PCP4: variants seen among roughly 807,000 people sequenced by gnomAD.
The protein encoded by PCP4 is Purkinje cell protein 4, also known as calmodulin regulator protein PCP4.
Under a neutral mutation model 10.0 loss-of-function variants are expected in PCP4, and 8 were observed. That is an observed-to-expected ratio of 0.80 (90% CI 0.47 to 1.45). The LOEUF (loss-of-function observed/expected upper bound fraction) is 1.45. PCP4 is among the 40% of genes most tolerant of loss of function. PCP4 has a pLI of 0.00. For missense variants in PCP4, 54 were observed against 74.4 expected, an observed-to-expected ratio of 0.73 and a Z score of 1.01; for synonymous variants, 21 against 23.0, an observed-to-expected ratio of 0.91 and a Z score of 0.24.
intron 1 of PCP4, among the ~76,000 whole-genome samples, chr21:39,891,500 G>A (rs924876063): frequency 6.6e-6 from 1 of 152,210 alleles, no homozygotes; most frequent in South Asian, 2.1e-4. Context: ...CCAGCCCTAC[G>A]GGGCTTAGCG....
At chr21:39,871,729 G>C (rs533976728) in intron 1 of PCP4, among the ~76,000 whole-genome samples, 2 of 152,174 alleles carry the variant, frequency 1.3e-5, no homozygotes, top group Non-Finnish European at 2.9e-5. Context: ...TCCCAGGGCC[G>C]ATGATTGTTA....
chr21:39,872,930 C>T (rs1257307319), intron 1 of PCP4, among the ~76,000 whole-genome samples: 1 of 152,046 alleles, frequency 6.6e-6, no homozygotes, highest in Non-Finnish European at 1.5e-5. Flanking sequence ...ATATACGCAA[C>T]ATAAGTGCTC....
intron 2 of PCP4, among the ~76,000 whole-genome samples, chr21:39,902,551 G>A (rs573498403): frequency 6.6e-6 from 1 of 152,194 alleles, no homozygotes; most frequent in African/African-American, 2.4e-5. Flanking sequence ...TGTCAACATG[G>A]TATTTATTGA....
intron 1 of PCP4, among the ~76,000 whole-genome samples, chr21:39,875,021 T>G (rs1463393075): frequency 6.6e-6 from 1 of 152,204 alleles, no homozygotes; most frequent in East Asian, 1.9e-4. Context: ...TATGAATTGT[T>G]TATTTCTGGG....
At chr21:39,891,891 G>A (rs1040932143) in intron 1 of PCP4, among the ~76,000 whole-genome samples, 10 of 152,256 alleles carry the variant, frequency 6.6e-5, no homozygotes, top group Non-Finnish European at 1.0e-4. Flanking sequence ...ACTTCAAAGA[G>A]GAACCAGGAG....
intron 2 of PCP4, among the ~76,000 whole-genome samples, chr21:39,909,311 C>T (rs761390826): frequency 6.6e-6 from 1 of 152,174 alleles, no homozygotes. Context: ...CTGAGCACAC[C>T]GTTTTCTTAC....
chr21:39,926,807 AC>A (rs2087623803), intron 2 of PCP4, among the ~76,000 whole-genome samples: 1 of 152,160 alleles, frequency 6.6e-6, no homozygotes, highest in African/African-American at 2.4e-5. Flanking sequence ...CAGTGATCCT[AC>A]CCCTTATTTT....
chr21:39,873,475 G>A (rs567283592), intron 1 of PCP4, among the ~76,000 whole-genome samples: 8 of 151,792 alleles, frequency 5.3e-5, no homozygotes, highest in Non-Finnish European at 1.0e-4. Flanking sequence ...TTTGAAATAG[G>A]AATATATGAA....
chr21:39,884,332 A>C (rs1012650724), intron 1 of PCP4, among the ~76,000 whole-genome samples: 2 of 151,716 alleles, frequency 1.3e-5, no homozygotes, highest in African/African-American at 4.8e-5. Flanking sequence ...GGCATGCACC[A>C]CCATGCCCAG....
chr21:39,897,486 A>C (rs1382631298), intron 1 of PCP4, among the ~76,000 whole-genome samples: 1 of 152,166 alleles, frequency 6.6e-6, no homozygotes, highest in Non-Finnish European at 1.5e-5. Flanking sequence ...GATTGACAAA[A>C]TGCTTCTCTC....
chr21:39,928,318 G>A (rs1304310502), intron 2 of PCP4, among the ~76,000 whole-genome samples: 1 of 152,192 alleles, frequency 6.6e-6, no homozygotes, highest in African/African-American at 2.4e-5. Flanking sequence ...ACAGCACAGA[G>A]GCCCAAGCCT....
At chr21:39,907,248 C>T (rs1389073224) in intron 2 of PCP4, among the ~76,000 whole-genome samples, 1 of 152,136 alleles carries the variant, frequency 6.6e-6, no homozygotes, top group African/African-American at 2.4e-5. Flanking sequence ...GAAGAGTCAG[C>T]CTTGCAGCCC....
rs1464626848 is a variant in PCP4 at position 39,867,511 on chromosome 21, G to A, written c.9+1G>A. 3.1e-6 allele frequency: 5 copies of A among 1,614,150 alleles called. No homozygotes were observed. The highest frequency in any genetic ancestry group is 4.2e-6 in the Non-Finnish European group (5 of 1,179,970). ...TTGAGTTAGAGCCAACATGAGTGAGGTGAGTGATGCTTCGACCTGGAGAGG... is the reference window on the plus strand; with the variant it reads ...TTGAGTTAGAGCCAACATGAGTGAGATGAGTGATGCTTCGACCTGGAGAGG... On this transcript the variant is annotated splice_donor_variant, in intron 1 of 2. Coordinates refer to ENST00000328619, the MANE Select transcript of PCP4 (RefSeq NM_006198.3). LOFTEE classifies it high-confidence loss of function.
At chr21:39,917,204 A>T (rs1365036620) in intron 2 of PCP4, among the ~76,000 whole-genome samples, 1 of 152,226 alleles carries the variant, frequency 6.6e-6, no homozygotes, top group African/African-American at 2.4e-5. Context: ...TTTCTAGCAG[A>T]TGCTTGACTG....
chr21:39,899,103 T>C (rs1339790465), intron 2 of PCP4, among the ~76,000 whole-genome samples: 1 of 152,180 alleles, frequency 6.6e-6, no homozygotes, highest in Non-Finnish European at 1.5e-5. Context: ...GATCATCATA[T>C]TTTTATGGAT....
chr21:39,888,783 C>T (rs2146332080), intron 1 of PCP4, among the ~76,000 whole-genome samples: 1 of 152,310 alleles, frequency 6.6e-6, no homozygotes, highest in Admixed American at 6.5e-5. Context: ...GGACCTGGCT[C>T]AGCAAAGGCA....
Position 39,898,464 on chromosome 21 carries a change from T to G in PCP4, c.10-12T>G. ...ATAACAATTGCTTTTTTCTTTTATT[T>G]TTTGCCTTTAGCGACAAGGTGCTGG... On this transcript the variant is annotated splice_polypyrimidine_tract_variant and intron_variant, in intron 1 of 2. Transcript: ENST00000328619. The G allele has an allele frequency of 1.2e-6, 2 of 1,612,128 alleles. No homozygotes were observed. The highest frequency in any genetic ancestry group is 1.7e-6 in the Non-Finnish European group (2 of 1,178,414).
rs965203008 is a variant in PCP4 at position 39,906,552 on chromosome 21, C to T, written c.61+8025C>T. Among the ~76,000 whole-genome samples, 6 of 151,948 alleles carry T rather than the reference C, an allele frequency of 3.9e-5. 1 individual carries two copies. In the South Asian group the frequency reaches 6.2e-4, roughly 16 times the overall value. ...CTCTTTCTCCCTCCTTCCTTCCTTCCGCTCCTCCTTCTTCCCCTTCCTTCC... is the reference window on the plus strand; with the variant it reads ...CTCTTTCTCCCTCCTTCCTTCCTTCTGCTCCTCCTTCTTCCCCTTCCTTCC... On this transcript the variant is annotated intron_variant, in intron 2 of 2. Coordinates refer to ENST00000328619, the MANE Select transcript of PCP4 (RefSeq NM_006198.3). The surrounding 1 kb of genome is among the most constrained non-coding windows in gnomAD (Gnocchi z 6.3).
chr21:39,897,999 T>C (rs1162641269), intron 1 of PCP4, among the ~76,000 whole-genome samples: 2 of 143,494 alleles, frequency 1.4e-5, no homozygotes, highest in Non-Finnish European at 3.0e-5. Flanking sequence ...CGAGCCAAGA[T>C]TGCGCCGCTG....
Sources: gnomAD v4.1 joint callset for allele counts (sites outside exome capture counted in the v4.1 genomes callset) on GRCh38, gnomAD v4.1.1 for gene constraint, Gnocchi (gnomAD v3.1) non-coding constraint, MANE v1.5 for transcripts, NCBI Gene and HGNC (gene_info 2026-07-23, HGNC 2026-07-21) for gene names.